The following TRIO variants were observed in gnomAD, a reference collection of about 807,000 sequenced individuals.
TRIO encodes the protein triple functional domain protein.
Under a neutral mutation model 351.9 loss-of-function variants are expected in TRIO, and 58 were observed. That is an observed-to-expected ratio of 0.16 (90% CI 0.13 to 0.21). The LOEUF is 0.21. Ranked by LOEUF, TRIO falls within the 10% of genes least tolerant of loss-of-function variation. The pLI is 1.00. For missense variants in TRIO, 3,201 were observed against 4,027.8 expected (o/e 0.79, Z 5.56); for synonymous variants, 1,758 against 1,595.7 (o/e 1.10, Z -2.42).
chr5:14,168,953 A>G (rs1788938140), intron 1 of TRIO, among the ~76,000 whole-genome samples: 1 of 152,230 alleles, frequency 6.6e-6, no homozygotes, highest in African/African-American at 2.4e-5. Context: ...GAGCTGTGAA[A>G]CAGGGAGGCC....
intron 1 of TRIO, among the ~76,000 whole-genome samples, chr5:14,145,147 C>T (rs1489078904): frequency 6.6e-6 from 1 of 152,194 alleles, no homozygotes; most frequent in Non-Finnish European, 1.5e-5. Flanking sequence ...CGGCGGTTCA[C>T]GCTTTTCCGT....
chr5:14,488,809 G>C, intron 48 of TRIO: 1 of 631,906 alleles, frequency 1.6e-6, no homozygotes, highest in East Asian at 2.7e-5. Context: ...TGTCCACTGG[G>C]AACGCTTTAC....
intron 8 of TRIO, among the ~76,000 whole-genome samples, chr5:14,315,631 A>G (rs183835780): frequency 1.3e-5 from 2 of 152,274 alleles, no homozygotes; most frequent in East Asian, 3.9e-4. Context: ...CTACCTACTT[A>G]AGACACCTGC....
At chr5:14,290,444 A>G (rs1288379573) in intron 4 of TRIO, among the ~76,000 whole-genome samples, 3 of 152,114 alleles carry the variant, frequency 2.0e-5, no homozygotes, top group African/African-American at 4.8e-5. Context: ...AAGAAATCTC[A>G]TTTCTTTAGC....
intron 9 of TRIO, among the ~76,000 whole-genome samples, chr5:14,322,276 G>A (rs1342282726): frequency 2.0e-5 from 3 of 152,204 alleles, no homozygotes; most frequent in African/African-American, 7.2e-5. Context: ...CTTTTAAAAT[G>A]GGGGAGGGTT....
chr5:14,475,226 G>A (rs778951126), intron 40 of TRIO, among the ~76,000 whole-genome samples: 23 of 152,308 alleles, frequency 1.5e-4, no homozygotes, highest in Non-Finnish European at 2.9e-4. Context: ...TGTTCCAGAT[G>A]CACTGTCTGC....
At chr5:14,310,051 C>T (rs910460555) in intron 8 of TRIO, among the ~76,000 whole-genome samples, 24 of 152,202 alleles carry the variant, frequency 1.6e-4, no homozygotes, top group African/African-American at 4.3e-4. Flanking sequence ...GCAACAGGAA[C>T]GCACCTGGGC....
intron 53 of TRIO, among the ~76,000 whole-genome samples, chr5:14,501,027 C>T (rs1341924071): frequency 5.4e-5 from 8 of 149,510 alleles, no homozygotes; most frequent in African/African-American, 2.0e-4. Flanking sequence ...ATGTTTGGTC[C>T]ACTTTTCTGT....
At chr5:14,404,654 C>T (rs1329223116) in intron 31 of TRIO, among the ~76,000 whole-genome samples, 1 of 152,244 alleles carries the variant, frequency 6.6e-6, no homozygotes, top group East Asian at 1.9e-4. Context: ...CCGCTTTCCC[C>T]GGTCACCCTG....
intron 34 of TRIO, among the ~76,000 whole-genome samples, chr5:14,425,188 A>AC (rs1345071791): frequency 1.3e-5 from 2 of 152,162 alleles, no homozygotes; most frequent in Non-Finnish European, 2.9e-5. Flanking sequence ...TTTCCGTCTT[A>AC]CAGAACTGAA....
rs543615661 is a variant in TRIO, at chr5:14,197,990, A to T, written c.157+54108A>T. On this transcript the variant is annotated intron_variant, in intron 1 of 56. Coordinates refer to ENST00000344204, the MANE Select transcript of TRIO (RefSeq NM_007118.4). ...ATTCTCTAAGTCTATTCACTATAAA[A>T]ATATCCTTGTAATGATAGTCCAGAA... Among the ~76,000 whole-genome samples, 11 of 152,298 alleles carry T rather than the reference A, an allele frequency of 7.2e-5. No homozygotes were observed. The East Asian group carries it at 1.7e-3, about 24-fold the overall frequency.
At chr5:14,355,338 T>C (rs1210747731) in intron 11 of TRIO, among the ~76,000 whole-genome samples, 1 of 152,238 alleles carries the variant, frequency 6.6e-6, no homozygotes, top group Non-Finnish European at 1.5e-5. Flanking sequence ...GTTCAGTTAA[T>C]TTAAGTCCAT....
chr5:14,487,224 T>G (rs1384693767), intron 47 of TRIO, among the ~76,000 whole-genome samples: 1 of 152,148 alleles, frequency 6.6e-6, no homozygotes, highest in African/African-American at 2.4e-5. Flanking sequence ...CTGTGGACAC[T>G]GGCCCTTAGT....
intron 29 of TRIO, among the ~76,000 whole-genome samples, chr5:14,398,496 G>A (rs985346171): frequency 3.9e-5 from 6 of 152,084 alleles, no homozygotes; most frequent in Non-Finnish European, 7.4e-5. Flanking sequence ...AGTAGGTGGG[G>A]GCTTAGAGGA....
At chr5:14,183,496 T>A (rs1486019040) in intron 1 of TRIO, among the ~76,000 whole-genome samples, 1 of 152,070 alleles carries the variant, frequency 6.6e-6, no homozygotes, top group African/African-American at 2.4e-5. Flanking sequence ...CCCCTAAAAA[T>A]GTAAACAAAT....
At chr5:14,311,225 C>G (rs750365786) in intron 8 of TRIO, among the ~76,000 whole-genome samples, 7 of 152,244 alleles carry the variant, frequency 4.6e-5, no homozygotes, top group African/African-American at 1.7e-4. Flanking sequence ...AACTGACTCA[C>G]GCCAACTGGG....
intron 34 of TRIO, among the ~76,000 whole-genome samples, chr5:14,451,571 G>C (rs1339359250): frequency 6.6e-6 from 1 of 152,214 alleles, no homozygotes; most frequent in African/African-American, 2.4e-5. Flanking sequence ...GTGATTTATT[G>C]CATCAAATTC....
At chr5:14,244,091 A>T (rs1181848110) in intron 1 of TRIO, among the ~76,000 whole-genome samples, 1 of 152,180 alleles carries the variant, frequency 6.6e-6, no homozygotes. Context: ...AGGAAAGTAA[A>T]ACATCATGGA....
intron 20 of TRIO, among the ~76,000 whole-genome samples, chr5:14,379,652 C>T (rs771943037): frequency 2.1e-4 from 32 of 152,202 alleles, no homozygotes; most frequent in Non-Finnish European, 3.7e-4. Flanking sequence ...GTTTCAGGTT[C>T]TTTTCTCACA....
Sources: allele counts gnomAD v4.1 joint callset (sites outside exome capture counted in the v4.1 genomes callset), GRCh38; gene constraint gnomAD v4.1.1; transcripts MANE v1.5; gene names NCBI Gene and HGNC (gene_info 2026-07-23, HGNC 2026-07-21).